The following PTPRD variants were observed in gnomAD, a reference collection of about 807,000 sequenced individuals.
PTPRD encodes the protein receptor-type tyrosine-protein phosphatase delta.
A neutral mutation model predicts 214.5 loss-of-function variants in PTPRD; 34 were observed. The ratio of observed to expected loss-of-function variants is 0.16; its 90% CI spans 0.12 to 0.21. PTPRD has a LOEUF of 0.21. PTPRD is among the 10% of genes least tolerant of loss of function. The probability of loss-of-function intolerance (pLI) is 1.00; values close to 1 mark genes in which losing one functional copy is unlikely to be tolerated. For missense variants in PTPRD, 2,545 were observed against 2,398.7 expected (o/e 1.06, Z -1.27); for synonymous variants, 1,128 against 845.7 (o/e 1.33, Z -5.79).
intron 3 of PTPRD, among the ~76,000 whole-genome samples, chr9:10,138,363 A>G (rs291311): frequency 0.43 from 64,980 of 151,854 alleles, 14,781 homozygotes; most frequent in Non-Finnish European, 0.52. Flanking sequence ...CTAACAGACC[A>G]ATAACGAGTT....
intron 11 of PTPRD, among the ~76,000 whole-genome samples, chr9:8,769,814 A>G (rs950875268): frequency 1.3e-5 from 2 of 152,064 alleles, no homozygotes; most frequent in Admixed American, 1.3e-4. Flanking sequence ...TAGAAAAAAA[A>G]AAAAATACAT....
At chr9:9,574,163 T>C (rs2087572424) in intron 8 of PTPRD, among the ~76,000 whole-genome samples, 1 of 151,916 alleles carries the variant, frequency 6.6e-6, no homozygotes, top group Admixed American at 6.6e-5. Context: ...ATTAATATAA[T>C]CCAGATTCAC....
intron 9 of PTPRD, among the ~76,000 whole-genome samples, chr9:9,257,839 G>T (rs1208043444): frequency 6.6e-6 from 1 of 151,766 alleles, no homozygotes; most frequent in African/African-American, 2.4e-5. Flanking sequence ...ATGCAAACTA[G>T]CAGGGACATT....
At chr9:10,596,706 A>C (rs2076701067) in intron 2 of PTPRD, among the ~76,000 whole-genome samples, 1 of 151,706 alleles carries the variant, frequency 6.6e-6, no homozygotes, top group Admixed American at 6.6e-5. Context: ...ACCTAGTAGT[A>C]AAGAATGGGA....
At chr9:10,552,421 T>C (rs141877029) in intron 2 of PTPRD, among the ~76,000 whole-genome samples, 11 of 152,284 alleles carry the variant, frequency 7.2e-5, no homozygotes, top group African/African-American at 2.6e-4. Flanking sequence ...TTAAACTCCA[T>C]CATGCTCTTG....
At chr9:10,397,309 G>C (rs2098189696) in intron 2 of PTPRD, among the ~76,000 whole-genome samples, 1 of 152,002 alleles carries the variant, frequency 6.6e-6, no homozygotes, top group Admixed American at 6.6e-5. Context: ...ACATCCGTCA[G>C]ACATTTGTTG....
intron 14 of PTPRD, among the ~76,000 whole-genome samples, chr9:8,573,595 C>T (rs564639559): frequency 1.3e-5 from 2 of 151,970 alleles, no homozygotes; most frequent in Non-Finnish European, 2.9e-5. Flanking sequence ...ATAGATGGAG[C>T]CATCTTTCTT....
chr9:9,129,160 C>A (rs564054411), intron 10 of PTPRD, among the ~76,000 whole-genome samples: 2 of 152,122 alleles, frequency 1.3e-5, no homozygotes, highest in Non-Finnish European at 2.9e-5. Context: ...GAGGCCGAGG[C>A]GGGTTGATCA....
chr9:9,749,335 C>G (rs891339267), intron 6 of PTPRD, among the ~76,000 whole-genome samples: 1 of 152,070 alleles, frequency 6.6e-6, no homozygotes, highest in Non-Finnish European at 1.5e-5. Flanking sequence ...AGCCTTTTTG[C>G]CCATGCCTTT....
At chr9:8,781,588 C>G (rs762589541) in intron 11 of PTPRD, among the ~76,000 whole-genome samples, 2 of 152,134 alleles carry the variant, frequency 1.3e-5, no homozygotes, top group Non-Finnish European at 2.9e-5. Flanking sequence ...CAAACTCTAT[C>G]ATTTTCTAAG....
At chr9:8,328,905 C>T (rs201088813) in intron 44 of PTPRD, among the ~76,000 whole-genome samples, 1 of 151,780 alleles carries the variant, frequency 6.6e-6, no homozygotes, top group South Asian at 2.1e-4. Flanking sequence ...CTCTAAACTG[C>T]TTATTCTAGT....
intron 3 of PTPRD, among the ~76,000 whole-genome samples, chr9:10,257,178 T>C (rs181793606): frequency 6.6e-6 from 1 of 152,208 alleles, no homozygotes; most frequent in East Asian, 1.9e-4. Context: ...GAACTTAACA[T>C]ATACTGGTTT....
intron 9 of PTPRD, among the ~76,000 whole-genome samples, chr9:9,320,696 C>T (rs879736625): frequency 2.0e-5 from 3 of 152,084 alleles, no homozygotes; most frequent in Non-Finnish European, 2.9e-5. Flanking sequence ...GTCTAAACTC[C>T]TCTTAGTTTA....
intron 2 of PTPRD, among the ~76,000 whole-genome samples, chr9:10,429,326 C>T (rs2098655103): frequency 1.3e-5 from 2 of 151,942 alleles, no homozygotes; most frequent in African/African-American, 4.8e-5. Flanking sequence ...AGCAATCCCA[C>T]TACTGGGTAT....
At chr9:9,990,631 A>C (rs2095879122) in intron 4 of PTPRD, among the ~76,000 whole-genome samples, 1 of 152,252 alleles carries the variant, frequency 6.6e-6, no homozygotes. Flanking sequence ...CTTAGAAAAT[A>C]GAAAGTAGTT....
intron 12 of PTPRD, among the ~76,000 whole-genome samples, chr9:8,713,080 T>C (rs1426604005): frequency 1.3e-5 from 2 of 152,204 alleles, no homozygotes; most frequent in Admixed American, 6.5e-5. Context: ...TATGTGTGTG[T>C]GCTTTTTATT....
intron 7 of PTPRD, among the ~76,000 whole-genome samples, chr9:9,728,369 C>G (rs2098128598): frequency 1.3e-5 from 2 of 152,100 alleles, no homozygotes; most frequent in African/African-American, 2.4e-5. Flanking sequence ...AAATTGAAAT[C>G]CTTTTAATTC....
rs571711883 is a variant in PTPRD at position 10,256,134 on chromosome 9, A to G, written c.-545+84829T>C. Among the ~76,000 whole-genome samples the G allele has an allele frequency of 4.6e-5, 7 of 152,336 alleles. 1 individual carries two copies. In the South Asian group the frequency reaches 1.4e-3, roughly 32 times the overall value. ...TGATGATCTGTGGTGGAACAGTTTC[A>G]TCCTGAAACCAACCCACCCTCTCCC... On this transcript the variant is annotated intron_variant, in intron 3 of 45. Transcript: ENST00000381196.
chr9:9,039,785 G>A (rs1443521799), intron 10 of PTPRD, among the ~76,000 whole-genome samples: 2 of 152,166 alleles, frequency 1.3e-5, no homozygotes, highest in East Asian at 3.9e-4. Context: ...TTGCAGAACA[G>A]TAATAAGCCA....
Sources: allele counts gnomAD v4.1 joint callset (sites outside exome capture counted in the v4.1 genomes callset), GRCh38; gene constraint gnomAD v4.1.1; transcripts MANE v1.5; gene names NCBI Gene and HGNC (gene_info 2026-07-23, HGNC 2026-07-21).